Variants in TTBK2 observed in about 807,000 individuals in gnomAD.
The protein encoded by TTBK2 is tau tubulin kinase 2.
In TTBK2, 28 loss-of-function variants were observed where a neutral mutation model predicts 110.8. That is an observed-to-expected ratio of 0.25 (90% CI 0.19 to 0.35). The LOEUF (loss-of-function observed/expected upper bound fraction) is 0.35, where lower values mean the gene tolerates loss of function less well. Among genes scored for constraint, TTBK2 ranks in the 10% least tolerant of loss-of-function variants. The pLI is 1.00. For missense variants in TTBK2, 1,369 were observed against 1,500.3 expected, an observed-to-expected ratio of 0.91 and a Z score of 1.45; for synonymous variants, 532 against 527.3, an observed-to-expected ratio of 1.01 and a Z score of -0.12.
chr15:42,846,696 G>C (rs1893481530), intron 3 of TTBK2, among the ~76,000 whole-genome samples: 1 of 152,200 alleles, frequency 6.6e-6, no homozygotes, highest in African/African-American at 2.4e-5. Flanking sequence ...CTGAGTTTAT[G>C]TTAATCAGGT....
At chr15:42,810,512 G>A in intron 9 of TTBK2, 102 bp downstream of exon 9, 1 of 1,441,274 alleles carries the variant, frequency 6.9e-7, no homozygotes, top group South Asian at 1.2e-5. Flanking sequence ...CGTATTCTAA[G>A]GACCTCCCCT....
At chr15:42,778,697 C>A (rs1567018699) in intron 11 of TTBK2, among the ~76,000 whole-genome samples, 1 of 151,686 alleles carries the variant, frequency 6.6e-6, no homozygotes, top group African/African-American at 2.4e-5. Flanking sequence ...CAAAACAAAA[C>A]AAACCCAGCA....
At chr15:42,765,688 C>T (rs999827945) in intron 13 of TTBK2, among the ~76,000 whole-genome samples, 1 of 152,214 alleles carries the variant, frequency 6.6e-6, no homozygotes, top group African/African-American at 2.4e-5. Context: ...AGCTGCAAAA[C>T]ACTCTGCAGG....
intron 3 of TTBK2, among the ~76,000 whole-genome samples, chr15:42,845,633 C>CAAAAAAAA (rs894783459): frequency 1.3e-4 from 2 of 15,280 alleles, no homozygotes; most frequent in African/African-American, 1.3e-4. Context: ...GGCTGCATCT[C>CAAAAAAAA]AAAAAAAAAA....
intron 1 of TTBK2, among the ~76,000 whole-genome samples, chr15:42,920,172 T>C (rs1483519025): frequency 6.6e-6 from 1 of 151,944 alleles, no homozygotes; most frequent in Non-Finnish European, 1.5e-5. Context: ...GAACGAAGCT[T>C]CGTGACCCTC....
chr15:42,818,959 C>T (rs1567042439), intron 6 of TTBK2, among the ~76,000 whole-genome samples: 1 of 149,854 alleles, frequency 6.7e-6, no homozygotes, highest in Non-Finnish European at 1.5e-5. Context: ...AACAAACAAA[C>T]ATTGTCTCCA....
At chr15:42,879,742 A>G (rs989994220) in intron 1 of TTBK2, among the ~76,000 whole-genome samples, 5 of 152,120 alleles carry the variant, frequency 3.3e-5, no homozygotes, top group African/African-American at 1.2e-4. Context: ...CACACCTGTA[A>G]TCCCAGCATC....
At chr15:42,826,751 A>C (rs1222573241) in intron 6 of TTBK2, among the ~76,000 whole-genome samples, 1 of 152,156 alleles carries the variant, frequency 6.6e-6, no homozygotes, top group East Asian at 1.9e-4. Flanking sequence ...GGGCTACCTG[A>C]TTCATGAATC....
chr15:42,853,371 C>G (rs1200381954), intron 3 of TTBK2, among the ~76,000 whole-genome samples: 1 of 151,978 alleles, frequency 6.6e-6, no homozygotes, highest in Non-Finnish European at 1.5e-5. Flanking sequence ...AATTAATTCC[C>G]AAATATCTCA....
chr15:42,792,828 G>A (rs759359195), intron 10 of TTBK2, among the ~76,000 whole-genome samples: 1 of 152,114 alleles, frequency 6.6e-6, no homozygotes, highest in African/African-American at 2.4e-5. Context: ...CTGAGGACAT[G>A]GTTTTTCTGT....
At position 42,854,756 on chromosome 15, in the gene TTBK2, T is replaced by C. The variant is rs572542032; in HGVS notation, c.218-14323A>G. Among the ~76,000 whole-genome samples, 6 of 152,288 alleles carry C rather than the reference T, an allele frequency of 3.9e-5. No homozygotes were observed. In the South Asian group the frequency reaches 1.2e-3, roughly 32 times the overall value. ...GTTGACTGTCTATATGACACGGTCT[T>C]GGGACTCGGAGCCTTAGTCATCCAA... On this transcript the variant is annotated intron_variant, in intron 3 of 14. Coordinates refer to ENST00000267890, the MANE Select transcript of TTBK2 (RefSeq NM_173500.4).
At chr15:42,895,836 C>CACTTTTAGTTTTTA (rs1567083005) in intron 1 of TTBK2, among the ~76,000 whole-genome samples, 2 of 152,012 alleles carry the variant, frequency 1.3e-5, no homozygotes, top group African/African-American at 4.8e-5. Context: ...CACACCTGGC[C>CACTTTTAGTTTTTA]ATCAAAAAGA....
intron 3 of TTBK2, 44 bp from the exon 4 acceptor site, chr15:42,840,477 T>A: frequency 6.5e-7 from 1 of 1,537,864 alleles, no homozygotes; most frequent in Non-Finnish European, 9.0e-7. Flanking sequence ...TACTATGGTT[T>A]CTCTTAAAAA....
chr15:42,918,407 G>C (rs770756473), intron 1 of TTBK2, among the ~76,000 whole-genome samples: 2 of 151,768 alleles, frequency 1.3e-5, no homozygotes, highest in African/African-American at 4.8e-5. Context: ...CTCAGGATTC[G>C]AATCTGAAAG....
At chr15:42,914,300 A>G (rs1026828908) in intron 1 of TTBK2, among the ~76,000 whole-genome samples, 3 of 152,110 alleles carry the variant, frequency 2.0e-5, no homozygotes, top group Non-Finnish European at 4.4e-5. Flanking sequence ...CAAAAACAGC[A>G]AAACTGGCCA....
At chr15:42,771,064 C>T (rs1246188234) in intron 13 of TTBK2, among the ~76,000 whole-genome samples, 1 of 151,840 alleles carries the variant, frequency 6.6e-6, no homozygotes, top group Non-Finnish European at 1.5e-5. Flanking sequence ...ACCTCCGGCT[C>T]CCAGGTTTTT....
In TTBK2 at chr15:42,775,117, TA is replaced by T. The variant is rs1567015971; in HGVS notation, c.1998+17del. 1 of 1,609,196 alleles carries T rather than the reference TA, an allele frequency of 6.2e-7. No homozygotes were observed. The highest frequency in any genetic ancestry group is 2.2e-5 in the East Asian group (1 of 44,862). ...TTGAGTGGATAACAGAGAATAATAA[TA>T]AAAACAAATTTCTTACCGCTGTAAG... is the stretch of plus-strand genomic sequence containing the variant. On this transcript the variant is annotated intron_variant, in intron 13 of 14. Transcript: ENST00000267890.
At chr15:42,916,188 TCTAC>T (rs1344899454) in intron 1 of TTBK2, among the ~76,000 whole-genome samples, 6 of 152,344 alleles carry the variant, frequency 3.9e-5, no homozygotes, top group Non-Finnish European at 8.8e-5. Context: ...TAGTTTATTA[TCTAC>T]CATATAATTT....
Position 42,810,717 on chromosome 15 carries a change from T to C in TTBK2, c.719A>G (p.Glu240Gly), listed in dbSNP as rs776214050. 4.3e-6 allele frequency: 7 copies of C among 1,613,664 alleles called. No individual in the cohort carries two copies. Among genetic ancestry groups the C allele is most frequent in the Non-Finnish European group, 5.9e-6 (7 of 1,179,940 alleles). Residue 240 changes from glutamate (E) to glycine (G), a missense_variant, in exon 9 of 15, where the codon GAG becomes GGG. By Grantham distance (98) the Glu-to-Gly change is moderately conservative. This residue lies in a region of TTBK2 where 138 missense variants were observed against 179.0 expected (regional missense o/e 0.77). Transcript: ENST00000267890. The stretch of plus-strand genomic sequence containing the variant: ...CAACATGAGCCTGTGGTCATATCTC[T>C]CCTTAATAGAGCCTACTTGCTCCTG... ...KDKEQVGSIK[E>G]RYDHRLMLKH...
Sources: gnomAD v4.1 joint callset for allele counts (sites outside exome capture counted in the v4.1 genomes callset) on GRCh38, gnomAD v4.1.1 for gene constraint, gnomAD v4.1.1 regional missense constraint, MANE v1.5 for transcripts, NCBI Gene and HGNC (gene_info 2026-07-23, HGNC 2026-07-21) for gene names.